Variants in SPPL2B observed in about 807,000 individuals in gnomAD.
The protein encoded by SPPL2B is signal peptide peptidase like 2B.
In SPPL2B, 39 loss-of-function variants were observed where a neutral mutation model predicts 59.7. That is an observed-to-expected ratio of 0.65 (90% CI 0.51 to 0.85). SPPL2B has a LOEUF of 0.85. SPPL2B is among the 40% of genes least tolerant of loss of function. The probability of loss-of-function intolerance (pLI) is 0.00; values close to 1 mark genes in which losing one functional copy is unlikely to be tolerated. For missense variants in SPPL2B, 865 were observed against 849.0 expected, an observed-to-expected ratio of 1.02 and a Z score of -0.23; for synonymous variants, 419 against 370.8, an observed-to-expected ratio of 1.13 and a Z score of -1.49.
In SPPL2B at chr19:2,329,199, C is replaced by T. The variant is rs1199103866; in HGVS notation, c.66+424C>T. ...GGCACGGTGCTAAGCTAACCTCACC[C>T]TAGGGGGTGCGGTGGGGGAACCCAG... On this transcript the variant is annotated intron_variant, in intron 1 of 14. Coordinates refer to ENST00000613503, the MANE Select transcript of SPPL2B (RefSeq NM_152988.3). Among the ~76,000 whole-genome samples, 3 of 152,330 alleles carry T rather than the reference C, an allele frequency of 2.0e-5. No homozygotes were observed. In the South Asian group the frequency reaches 6.2e-4, roughly 32 times the overall value.
rs1398008986 is a variant in SPPL2B at position 2,337,423 on chromosome 19, C to T, written c.187-20C>T. The T allele has an allele frequency of 6.3e-7, 1 of 1,577,518 alleles. No individual in the cohort carries two copies. Among genetic ancestry groups the T allele is most frequent in the African/African-American group, 1.3e-5 (1 of 74,386 alleles). ...GTGACTCACATCACGTGAGACAACACTGTGCCCTGGCCTTTCCAGTCTTTC... is the reference window on the plus strand; with the variant it reads ...GTGACTCACATCACGTGAGACAACATTGTGCCCTGGCCTTTCCAGTCTTTC... On this transcript the variant is annotated intron_variant, in intron 2 of 14. Coordinates refer to ENST00000613503, the MANE Select transcript of SPPL2B (RefSeq NM_152988.3).
intron 13 of SPPL2B, among the ~76,000 whole-genome samples, chr19:2,350,455 TTCTC>T (rs1184971303): frequency 4.2e-5 from 6 of 144,308 alleles, no homozygotes; most frequent in Non-Finnish European, 9.1e-5. Context: ...CTTGATTCCG[TTCTC>T]TCTCTCCACA....
At chr19:2,329,185 A>G (rs1326210145) in intron 1 of SPPL2B, among the ~76,000 whole-genome samples, 1 of 152,136 alleles carries the variant, frequency 6.6e-6, no homozygotes, top group East Asian at 1.9e-4. Context: ...GCACGGTGCT[A>G]AGCTAACCTC....
intron 7 of SPPL2B, 72 bp from the exon 8 acceptor site, chr19:2,340,826 C>T (rs749465361): frequency 7.6e-6 from 7 of 926,492 alleles, no homozygotes; most frequent in Non-Finnish European, 1.1e-5. Context: ...CTGGGCCGGT[C>T]CCAAGGGTGG....
rs558922220 is a variant in SPPL2B at position 2,334,316 on chromosome 19, G to GT, written c.67-280dup. Among the ~76,000 whole-genome samples the GT allele has an allele frequency of 3.6e-3, 543 of 152,342 alleles. 6 individuals carry two copies. Among genetic ancestry groups the GT allele is most frequent in the African/African-American group, 0.013 (525 of 41,582 alleles). ...AGGCCCAGGAGGTGGTGCGATCCCT[G>GT]TTTTTTGGTGCAGAAACTCGGGAGC... On this transcript the variant is annotated intron_variant, in intron 1 of 14. Transcript: ENST00000613503.
At chr19:2,346,629 CGCA>C (rs567787893) in intron 13 of SPPL2B, among the ~76,000 whole-genome samples, 9 of 152,072 alleles carry the variant, frequency 5.9e-5, no homozygotes, top group Admixed American at 3.3e-4. Context: ...ATCGTGCCAC[CGCA>C]CTCCAGCCTA....
chr19:2,353,559 C>A lies in SPPL2B; in HGVS notation c.*350C>A. On this transcript the variant is annotated 3_prime_UTR_variant, in exon 15 of 15. Coordinates refer to ENST00000613503, the MANE Select transcript of SPPL2B (RefSeq NM_152988.3). Reference sequence around the variant, plus strand: ...AGCAGGCGTGGGTGGACTCTGGCCGCGGCCACACTTGGTGCTCACCAGCTG... The same window carrying A: ...AGCAGGCGTGGGTGGACTCTGGCCGAGGCCACACTTGGTGCTCACCAGCTG... 3.7e-6 allele frequency: 1 copy of A among 266,818 alleles called. No individual in the cohort carries two copies. The highest frequency in any genetic ancestry group is 7.2e-6 in the Non-Finnish European group (1 of 139,610). The allele number at this position is 266,818 out of a possible 1,614,324, so 16.5% of individuals were successfully genotyped here.
chr19:2,336,652 T>C (rs547982545), intron 2 of SPPL2B, among the ~76,000 whole-genome samples: 1 of 151,814 alleles, frequency 6.6e-6, no homozygotes, highest in East Asian at 1.9e-4. Context: ...TGCGTGTGTG[T>C]GTGCATGTGT....
In SPPL2B at chr19:2,339,952, T is replaced by C. The variant is rs1211703080; in HGVS notation, c.728T>C (p.Phe243Ser). The C allele has an allele frequency of 4.5e-6, 7 of 1,554,734 alleles. No homozygotes were observed. Among genetic ancestry groups the C allele is most frequent in the Non-Finnish European group, 4.4e-6 (5 of 1,148,572 alleles). ...TCCATGCTGGTGCTGCTCTACTATT[T>C]CTACGATCTCCTCGGTGCGCGGCCC... ...CCSMLVLLYY[F>S]YDLLVYVVIG... is the part of the protein sequence containing the mutation. Residue 243 changes from phenylalanine to serine, a missense_variant, in exon 6 of 15, where the codon TTC becomes TCC. Physicochemically the swap from Phe to Ser is radical, Grantham distance 155. Coordinates refer to ENST00000613503, the MANE Select transcript of SPPL2B (RefSeq NM_152988.3).
chr19:2,343,725 C>T lies in SPPL2B; in HGVS notation c.1039-240C>T, dbSNP rs532856433. 5.3e-5 allele frequency among the ~76,000 whole-genome samples: 8 copies of T among 152,272 alleles called. No individual in the cohort carries two copies. In the East Asian group the frequency reaches 5.8e-4, roughly 11 times the overall value. ...GCCGGCCCTGCGTGGCACAGGCCTC[C>T]GCCCTCCCGTCCCCGCCTTCCTGTT... is the stretch of plus-strand genomic sequence containing the variant. On this transcript the variant is annotated intron_variant, in intron 9 of 14. Coordinates refer to ENST00000613503, the MANE Select transcript of SPPL2B (RefSeq NM_152988.3).
chr19:2,343,513 G>C (rs550154333), intron 9 of SPPL2B, among the ~76,000 whole-genome samples: 5 of 152,330 alleles, frequency 3.3e-5, no homozygotes, highest in Admixed American at 1.3e-4. Flanking sequence ...GTTCCCGGCA[G>C]GGGCAACTCA....
Position 2,345,242 on chromosome 19 carries a change from G to A in SPPL2B, c.1277-11G>A, listed in dbSNP as rs762605954. 3 of 1,612,412 alleles carry A rather than the reference G, an allele frequency of 1.9e-6. No individual in the cohort carries two copies. The highest frequency in any genetic ancestry group is 1.7e-6 in the Non-Finnish European group (2 of 1,179,448). On this transcript the variant is annotated splice_polypyrimidine_tract_variant and intron_variant, in intron 12 of 14. Coordinates refer to ENST00000613503, the MANE Select transcript of SPPL2B (RefSeq NM_152988.3). ...GGGCCCGAGTAAGCCTCCGCCCTGT[G>A]CCTCCCCCAGGGCTGCTGGTGGCCT... is the stretch of plus-strand genomic sequence containing the variant.
rs1970037459 is a variant in SPPL2B, at chr19:2,353,356, G to T, written c.*147G>T. On this transcript the variant is annotated 3_prime_UTR_variant, in exon 15 of 15. Transcript: ENST00000613503. The stretch of plus-strand genomic sequence containing the variant: ...CCGCCCCAACATGGTGCTCATCCTT[G>T]CCGAGACCCCTGCGGTCTGTGCCCG... 1 of 1,063,584 alleles carries T rather than the reference G, an allele frequency of 9.4e-7. No homozygotes were observed. The allele number at this position is 1,063,584 out of a possible 1,614,324, so 65.9% of individuals were successfully genotyped here. A position where few individuals can be genotyped will look rare whatever the true frequency, so the allele number is the denominator to read the frequency against.
At chr19:2,347,224 C>CT (rs1206050464) in intron 13 of SPPL2B, among the ~76,000 whole-genome samples, 1 of 145,732 alleles carries the variant, frequency 6.9e-6, no homozygotes, top group African/African-American at 2.6e-5. Flanking sequence ...CACACACACA[C>CT]TCACGCGCTC....
At position 2,334,664 on chromosome 19, in the gene SPPL2B, C is replaced by A; in HGVS notation, c.129C>A (p.Asp43Glu). ...AGGCCGGGGGCCCCGAAGGCAAAGA[C>A]TACTGCATCCTCTACAACCCGCAGT... ...VSQAGGPEGK[D>E]YCILYNPQWA... The change falls in exon 2 of 15, where the codon GAC becomes GAA. Residue 43 changes from aspartate (D) to glutamate (E), a missense_variant. Asp to Glu is a conservative substitution (Grantham distance 45). Coordinates refer to ENST00000613503, the MANE Select transcript of SPPL2B (RefSeq NM_152988.3). 1 of 1,613,120 alleles carries A rather than the reference C, an allele frequency of 6.2e-7. No homozygotes were observed. The highest frequency in any genetic ancestry group is 2.2e-5 in the East Asian group (1 of 44,862).
At position 2,328,706 on chromosome 19, in the gene SPPL2B, C is replaced by A. The variant is rs971342689; in HGVS notation, c.-4C>A. On this transcript the variant is annotated 5_prime_UTR_variant, in exon 1 of 15. Transcript: ENST00000613503. ...GCCGTTGGTTGCGGCGGGCACCGGC[C>A]GACATGGCGGCAGCGGTGGCGGCTG... The A allele has an allele frequency of 1.4e-5, 20 of 1,437,716 alleles. No homozygotes were observed. The highest frequency in any genetic ancestry group is 1.4e-4 in the African/African-American group (9 of 66,590). The allele number at this position is 1,437,716 out of a possible 1,614,324, so 89.1% of individuals were successfully genotyped here. A position where few individuals can be genotyped will look rare whatever the true frequency, so the allele number is the denominator to read the frequency against.
intron 7 of SPPL2B, chr19:2,340,526 TGG>T: frequency 3.4e-6 from 2 of 586,122 alleles, no homozygotes; most frequent in South Asian, 3.2e-5. Context: ...AGGGAGCTGC[TGG>T]GGGGTCTCCA....
chr19:2,340,546 C>G, intron 7 of SPPL2B: 1 of 579,588 alleles, frequency 1.7e-6, no homozygotes, highest in Non-Finnish European at 3.2e-6. Flanking sequence ...CCAACAAAGT[C>G]AGACCTGGGT....
chr19:2,334,734 T>C lies in SPPL2B; in HGVS notation c.186+13T>C. ...CCTCAGCAAGGCAGTGAGTACCCGC[T>C]GGCCGGGCGCCGCTGCGGAGGAGAA... On this transcript the variant is annotated intron_variant, in intron 2 of 14. Coordinates refer to ENST00000613503, the MANE Select transcript of SPPL2B (RefSeq NM_152988.3). The C allele has an allele frequency of 1.9e-6, 3 of 1,567,828 alleles. No individual in the cohort carries two copies. In the Admixed American group the frequency reaches 5.6e-5, roughly 29 times the overall value.
Sources: gnomAD v4.1 joint callset for allele counts (sites outside exome capture counted in the v4.1 genomes callset) on GRCh38, gnomAD v4.1.1 for gene constraint, MANE v1.5 for transcripts, NCBI Gene and HGNC (gene_info 2026-07-23, HGNC 2026-07-21) for gene names.